MANBAL: variants seen among roughly 807,000 people sequenced by gnomAD.
MANBAL encodes protein MANBAL.
Under a neutral mutation model 6.4 loss-of-function variants are expected in MANBAL, and 1 was observed. The observed-to-expected ratio is 0.16, with a 90% CI of 0.06 to 0.74. The LOEUF (loss-of-function observed/expected upper bound fraction) is 0.74. Ranked by LOEUF, MANBAL falls within the 30% of genes least tolerant of loss-of-function variation. MANBAL has a pLI of 0.78. For synonymous variants in MANBAL, 47 were observed against 45.8 expected (o/e 1.03, Z -0.10); for missense variants, 100 against 107.8 (o/e 0.93, Z 0.32).
At chr20:37,305,512 T>C (rs1314887342) in intron 2 of MANBAL, among the ~76,000 whole-genome samples, 2 of 152,168 alleles carry the variant, frequency 1.3e-5, no homozygotes, top group East Asian at 1.9e-4. Context: ...AAATATGCCA[T>C]CATACCCCCC....
intron 2 of MANBAL, among the ~76,000 whole-genome samples, chr20:37,314,512 A>ACT (rs761045762): frequency 1.3e-5 from 2 of 151,996 alleles, no homozygotes; most frequent in Non-Finnish European, 2.9e-5. Context: ...CAGAAGGCAG[A>ACT]CTCCTTCCTA....
intron 1 of MANBAL, among the ~76,000 whole-genome samples, chr20:37,293,862 C>A (rs868372498): frequency 3.3e-5 from 5 of 152,340 alleles, no homozygotes; most frequent in Middle Eastern, 3.4e-3. Context: ...CCTATTCCCC[C>A]ACTACCCTTT....
chr20:37,304,913 G>A (rs1047701171), intron 2 of MANBAL, among the ~76,000 whole-genome samples: 8 of 152,176 alleles, frequency 5.3e-5, no homozygotes, highest in African/African-American at 1.2e-4. Flanking sequence ...TTGAAGCCAC[G>A]GCAGGGGACA....
At chr20:37,299,568 G>A (rs1209828850) in intron 1 of MANBAL, among the ~76,000 whole-genome samples, 1 of 152,178 alleles carries the variant, frequency 6.6e-6, no homozygotes, top group East Asian at 1.9e-4. Flanking sequence ...TTGCATTGTG[G>A]CACAGATCTC....
At chr20:37,300,392 G>C (rs757417359) in intron 1 of MANBAL, among the ~76,000 whole-genome samples, 6 of 152,116 alleles carry the variant, frequency 3.9e-5, no homozygotes, top group Non-Finnish European at 7.4e-5. Context: ...TCTTCAGAGA[G>C]AGCCTTCTCA....
At chr20:37,313,661 G>A (rs1429230063) in intron 2 of MANBAL, among the ~76,000 whole-genome samples, 3 of 152,132 alleles carry the variant, frequency 2.0e-5, no homozygotes. Context: ...AGCTAATATC[G>A]AGCCACTGCA....
intron 2 of MANBAL, among the ~76,000 whole-genome samples, chr20:37,304,571 G>A (rs535702417): frequency 6.6e-6 from 1 of 152,050 alleles, no homozygotes; most frequent in Non-Finnish European, 1.5e-5. Flanking sequence ...ACACAGTTTT[G>A]CAACTTTCTT....
intron 2 of MANBAL, among the ~76,000 whole-genome samples, chr20:37,305,340 T>C (rs1046534189): frequency 1.1e-4 from 16 of 151,880 alleles, no homozygotes; most frequent in African/African-American, 3.9e-4. Context: ...GCAGGGAGGC[T>C]GCTCACCTCC....
intron 2 of MANBAL, chr20:37,302,410 A>T: frequency 6.7e-7 from 1 of 1,502,874 alleles, no homozygotes; most frequent in Non-Finnish European, 9.0e-7. Flanking sequence ...ACATTTAGAG[A>T]TTCTTGGATT....
At chr20:37,298,996 C>G (rs1408274445) in intron 1 of MANBAL, 3 of 148,868 alleles carry the variant, frequency 2.0e-5, no homozygotes, top group African/African-American at 7.4e-5. Context: ...CTTGGCCTGT[C>G]AAAGTGTTGG....
chr20:37,290,561 C>T (rs1196236940), intron 1 of MANBAL, among the ~76,000 whole-genome samples: 1 of 151,960 alleles, frequency 6.6e-6, no homozygotes, highest in Non-Finnish European at 1.5e-5. Context: ...TGGGTTCAAG[C>T]GATTCTCCTG....
rs565137810 is a variant in MANBAL at position 37,299,608 on chromosome 20, G to A, written c.-56-1600G>A. ...AACACAAAGGGTTTTAGATTCAAGT[G>A]GGCCTGGTTCCAAAGTAAATTTGCC... On this transcript the variant is annotated intron_variant, in intron 1 of 2. Transcript: ENST00000373606. Among the ~76,000 whole-genome samples the A allele has an allele frequency of 2.0e-5, 3 of 152,296 alleles. No individual in the cohort carries two copies. The South Asian group carries it at 6.2e-4, about 32-fold the overall frequency.
intron 1 of MANBAL, among the ~76,000 whole-genome samples, chr20:37,291,835 C>T (rs1356770043): frequency 3.3e-5 from 5 of 152,204 alleles, no homozygotes; most frequent in Admixed American, 2.6e-4. Context: ...ATGCCCTTGC[C>T]TCCCCTTTGC....
chr20:37,316,289 C>G lies in MANBAL; in HGVS notation c.151-19C>G. The G allele has an allele frequency of 6.2e-7, 1 of 1,611,310 alleles. No homozygotes were observed. The highest frequency in any genetic ancestry group is 1.1e-5 in the South Asian group (1 of 90,948). ...GCTTGATCCATCTAAGCAGGACTCTCCTTTTTATCACCTCACAGGAGGCTG... is the reference window on the plus strand; with the variant it reads ...GCTTGATCCATCTAAGCAGGACTCTGCTTTTTATCACCTCACAGGAGGCTG... On this transcript the variant is annotated intron_variant, in intron 2 of 2. Coordinates refer to ENST00000373606, the MANE Select transcript of MANBAL (RefSeq NM_001003897.2).
In MANBAL at chr20:37,301,381, A is replaced by C. The variant is rs1274243818; in HGVS notation, c.118A>C (p.Ile40Leu). 2 of 1,613,092 alleles carry C rather than the reference A, an allele frequency of 1.2e-6. No homozygotes were observed. The highest frequency in any genetic ancestry group is 1.7e-6 in the Non-Finnish European group (2 of 1,179,438). The stretch of plus-strand genomic sequence containing the variant: ...CTTCCAGCTCATCTGTGTGCTGGCC[A>C]TCATCGTACCCATTCCCAAGTCCCA... ...AIFQLICVLA[I>L]IVPIPKSHEA... The change falls in exon 2 of 3, where the codon ATC becomes CTC. Residue 40 changes from isoleucine (I) to leucine (L), a missense_variant. Transcript: ENST00000373606.
chr20:37,298,289 A>G (rs532485573), intron 1 of MANBAL, among the ~76,000 whole-genome samples: 3 of 152,322 alleles, frequency 2.0e-5, no homozygotes, highest in African/African-American at 7.2e-5. Context: ...TAAGTTTACA[A>G]TTCAGTGGTA....
intron 2 of MANBAL, among the ~76,000 whole-genome samples, chr20:37,308,138 C>G (rs569801833): frequency 2.6e-5 from 4 of 152,310 alleles, no homozygotes; most frequent in Non-Finnish European, 1.5e-5. Context: ...TCCTGCTGGT[C>G]TCAGTTCCAG....
chr20:37,294,034 G>C (rs1483111676), intron 1 of MANBAL, among the ~76,000 whole-genome samples: 2 of 152,186 alleles, frequency 1.3e-5, no homozygotes, highest in Non-Finnish European at 2.9e-5. Flanking sequence ...CAATCCTCCT[G>C]CCTTGGCCTC....
At chr20:37,295,970 A>G (rs539650237) in intron 1 of MANBAL, among the ~76,000 whole-genome samples, 1 of 152,358 alleles carries the variant, frequency 6.6e-6, no homozygotes, top group African/African-American at 2.4e-5. Context: ...AGAGGTGCAG[A>G]GAGAACTAGA....
Sources: allele counts gnomAD v4.1 joint callset (sites outside exome capture counted in the v4.1 genomes callset), GRCh38; gene constraint gnomAD v4.1.1; transcripts MANE v1.5; gene names NCBI Gene and HGNC (gene_info 2026-07-23, HGNC 2026-07-21).